The following TRIO variants were observed in gnomAD, a reference collection of about 807,000 sequenced individuals.
The protein encoded by TRIO is triple functional domain protein.
In TRIO, 58 loss-of-function variants were observed where a neutral mutation model predicts 351.9. That is an observed-to-expected ratio of 0.16 (90% CI 0.13 to 0.21). The LOEUF (loss-of-function observed/expected upper bound fraction) is 0.21, where lower values mean the gene tolerates loss of function less well. Among genes scored for constraint, TRIO ranks in the 10% least tolerant of loss-of-function variants. The pLI is 1.00. For missense variants in TRIO, 3,201 were observed against 4,027.8 expected (o/e 0.79, Z 5.56); for synonymous variants, 1,758 against 1,595.7 (o/e 1.10, Z -2.42).
At chr5:14,292,900 G>C in intron 5 of TRIO, 112 bp from the exon 6 acceptor site, 1 of 1,474,890 alleles carries the variant, frequency 6.8e-7, no homozygotes, top group Non-Finnish European at 9.3e-7. Flanking sequence ...GACAGCGCTT[G>C]AAGTTGTCCA....
In TRIO at chr5:14,221,672, T is replaced by C. The variant is rs546907732; in HGVS notation, c.158-49153T>C. Reference sequence around the variant, plus strand: ...GAGAACTAGAGCTACAAGTGGAGCCTGAAGATGGGACTGAATTACTGCAGT... The same window carrying C: ...GAGAACTAGAGCTACAAGTGGAGCCCGAAGATGGGACTGAATTACTGCAGT... On this transcript the variant is annotated intron_variant, in intron 1 of 56. Coordinates refer to ENST00000344204, the MANE Select transcript of TRIO (RefSeq NM_007118.4). 2.0e-5 allele frequency among the ~76,000 whole-genome samples: 3 copies of C among 152,346 alleles called. No individual in the cohort carries two copies. The South Asian group carries it at 6.2e-4, about 32-fold the overall frequency.
At chr5:14,253,260 G>T (rs996002647) in intron 1 of TRIO, among the ~76,000 whole-genome samples, 5 of 152,198 alleles carry the variant, frequency 3.3e-5, no homozygotes, top group African/African-American at 9.7e-5. Flanking sequence ...CTATTTAGGG[G>T]TATGTGTCAC....
At chr5:14,295,424 A>T (rs1737266110) in intron 6 of TRIO, among the ~76,000 whole-genome samples, 1 of 152,178 alleles carries the variant, frequency 6.6e-6, no homozygotes, top group African/African-American at 2.4e-5. Flanking sequence ...AGTGATGGAG[A>T]GATGGAAAAA....
rs755111856 is a variant in TRIO at position 14,405,807 on chromosome 5, G to A, written c.4717-41G>A. 4.4e-6 allele frequency: 7 copies of A among 1,591,020 alleles called. No individual in the cohort carries two copies. The East Asian group carries it at 1.4e-4, about 31-fold the overall frequency. ...GTGTGGTTAGGGCAAGGTCTGGAAA[G>A]GGCCGTTCCGTATCCTAAGCAACGC... On this transcript the variant is annotated intron_variant, in intron 31 of 56. Coordinates refer to ENST00000344204, the MANE Select transcript of TRIO (RefSeq NM_007118.4).
At chr5:14,420,810 T>G (rs1431858438) in intron 34 of TRIO, 1 of 152,296 alleles carries the variant, frequency 6.6e-6, no homozygotes, top group Non-Finnish European at 1.5e-5. Context: ...ATTAGTCTGT[T>G]CTGCAGAGGG....
chr5:14,449,156 T>C (rs1157782446), intron 34 of TRIO, among the ~76,000 whole-genome samples: 3 of 152,178 alleles, frequency 2.0e-5, no homozygotes, highest in Admixed American at 6.5e-5. Flanking sequence ...TTTTTAACAA[T>C]GTGTGGCCAT....
chr5:14,491,639 A>G (rs1756495039), intron 48 of TRIO, among the ~76,000 whole-genome samples: 1 of 152,172 alleles, frequency 6.6e-6, no homozygotes. Flanking sequence ...TGGCCTGGGT[A>G]GGGCCTTAAG....
chr5:14,358,384 G>T, intron 12 of TRIO, 37 bp downstream of exon 12: 1 of 1,605,882 alleles, frequency 6.2e-7, no homozygotes, highest in Non-Finnish European at 8.5e-7. Context: ...AACAGATTCT[G>T]AAACCCTGCC....
intron 1 of TRIO, among the ~76,000 whole-genome samples, chr5:14,253,615 T>G (rs1478553457): frequency 6.6e-6 from 1 of 152,168 alleles, no homozygotes; most frequent in African/African-American, 2.4e-5. Flanking sequence ...CTGGGATTGA[T>G]TACGGGCATG....
At chr5:14,456,345 C>T (rs1447748568) in intron 34 of TRIO, among the ~76,000 whole-genome samples, 3 of 152,262 alleles carry the variant, frequency 2.0e-5, no homozygotes, top group Non-Finnish European at 2.9e-5. Flanking sequence ...GGCTGAAGGG[C>T]TCCTCAAGCG....
intron 34 of TRIO, among the ~76,000 whole-genome samples, chr5:14,431,260 G>A (rs564729861): frequency 1.3e-5 from 2 of 152,282 alleles, no homozygotes; most frequent in South Asian, 2.1e-4. Flanking sequence ...CTGCTTCATC[G>A]TGGTCTGACC....
At chr5:14,472,687 C>T (rs373996383) in intron 39 of TRIO, 29 bp downstream of exon 39, 139 of 1,610,848 alleles carry the variant, frequency 8.6e-5, no homozygotes, top group African/African-American at 6.0e-4. Context: ...TTAGTATCTT[C>T]GTATCAGTTC....
Position 14,196,315 on chromosome 5 carries a change from C to T in TRIO, c.157+52433C>T, listed in dbSNP as rs544506355. Among the ~76,000 whole-genome samples the T allele has an allele frequency of 1.0e-4, 15 of 147,990 alleles. No homozygotes were observed. In the East Asian group the frequency reaches 2.0e-3, roughly 20 times the overall value. ...GCGTGCTCCTGTAATCCCAGCTACT[C>T]GGGAGGCTGAGGCAGGAGAATCGCT... is the stretch of plus-strand genomic sequence containing the variant. On this transcript the variant is annotated intron_variant, in intron 1 of 56. Transcript: ENST00000344204.
At chr5:14,505,723 C>T (rs991072580) in intron 55 of TRIO, among the ~76,000 whole-genome samples, 2 of 152,186 alleles carry the variant, frequency 1.3e-5, no homozygotes, top group African/African-American at 2.4e-5. Context: ...TTCCTCGGGC[C>T]GCCCATGTGC....
rs1327761288 is a variant in TRIO at position 14,471,459 on chromosome 5, A to G, written c.5905A>G (p.Arg1969Gly). ...MEERKSSSLK[R>G]RHYVLQELVE... The stretch of plus-strand genomic sequence containing the variant: ...AGAAAGGAAATCCAGCTCTTTAAAG[A>G]GAAGACAGTAAGACAGAAATGTTTT... Residue 1969 changes from arginine to glycine, a missense_variant, in exon 38 of 57, where the codon AGA becomes GGA. Physicochemically the swap from Arg to Gly is moderately radical, Grantham distance 125 (BLOSUM62 -2). Around this residue, in one of 19 missense-constraint regions of TRIO, gnomAD observed 307 missense variants for 396.5 expected, o/e 0.77. Transcript: ENST00000344204. 2 of 1,614,036 alleles carry G rather than the reference A, an allele frequency of 1.2e-6. No individual in the cohort carries two copies. Among genetic ancestry groups the G allele is most frequent in the Admixed American group, 1.7e-5 (1 of 60,002 alleles).
intron 34 of TRIO, among the ~76,000 whole-genome samples, chr5:14,421,696 CG>C (rs1393425274): frequency 6.6e-6 from 1 of 151,446 alleles, no homozygotes; most frequent in Non-Finnish European, 1.5e-5. Flanking sequence ...AACATGGAAA[CG>C]GAGGGCGTCT....
chr5:14,489,762 C>G (rs1376230882), intron 48 of TRIO, among the ~76,000 whole-genome samples: 1 of 152,244 alleles, frequency 6.6e-6, no homozygotes, highest in African/African-American at 2.4e-5. Flanking sequence ...ATCCTGAATG[C>G]TGTCTCTGAG....
chr5:14,459,819 T>C (rs1753635740), intron 34 of TRIO, among the ~76,000 whole-genome samples: 1 of 152,218 alleles, frequency 6.6e-6, no homozygotes, highest in African/African-American at 2.4e-5. Context: ...ATATTTAATT[T>C]TTGAGATCCA....
intron 1 of TRIO, among the ~76,000 whole-genome samples, chr5:14,158,163 A>G (rs1259065548): frequency 6.6e-6 from 1 of 152,198 alleles, no homozygotes; most frequent in African/African-American, 2.4e-5. Context: ...GCTGTGGCTC[A>G]CACCTGTAAT....
Sources: gnomAD v4.1 joint callset for allele counts (sites outside exome capture counted in the v4.1 genomes callset) on GRCh38, gnomAD v4.1.1 for gene constraint, gnomAD v4.1.1 regional missense constraint, MANE v1.5 for transcripts, NCBI Gene and HGNC (gene_info 2026-07-23, HGNC 2026-07-21) for gene names.